Variants in SPAG6 observed in about 807,000 individuals in gnomAD.
SPAG6 encodes the protein sperm-associated antigen 6.
In SPAG6, 49 loss-of-function variants were observed where a neutral mutation model predicts 58.5. That is an observed-to-expected ratio of 0.84 (90% CI 0.67 to 1.06). The LOEUF (loss-of-function observed/expected upper bound fraction) is 1.06, where lower values mean the gene tolerates loss of function less well. Ranked by LOEUF, SPAG6 falls within the 50% of genes least tolerant of loss-of-function variation. SPAG6 has a pLI of 0.00. For missense variants in SPAG6, 560 were observed against 611.3 expected (o/e 0.92, Z 0.89); for synonymous variants, 233 against 225.6 (o/e 1.03, Z -0.29).
intron 4 of SPAG6, among the ~76,000 whole-genome samples, chr10:22,371,965 A>C (rs1216579679): frequency 2.0e-5 from 3 of 152,074 alleles, no homozygotes; most frequent in Non-Finnish European, 2.9e-5. Context: ...TGATTGAATC[A>C]CCAGTTATTG....
chr10:22,400,979 T>G (rs181263679), intron 8 of SPAG6, among the ~76,000 whole-genome samples, 182 bp from the exon 9 acceptor site: 1 of 152,282 alleles, frequency 6.6e-6, no homozygotes, highest in East Asian at 1.9e-4. Flanking sequence ...TTGTAGGATA[T>G]TCTATGATAA....
intron 3 of SPAG6, among the ~76,000 whole-genome samples, chr10:22,368,184 A>G (rs1370258543): frequency 1.3e-5 from 2 of 152,176 alleles, no homozygotes; most frequent in Non-Finnish European, 2.9e-5. Flanking sequence ...GATACATAAA[A>G]TCTCGTTATT....
chr10:22,412,007 C>T (rs2130647599), intron 10 of SPAG6, among the ~76,000 whole-genome samples: 1 of 152,086 alleles, frequency 6.6e-6, no homozygotes, highest in South Asian at 2.1e-4. Context: ...CGCCATCACG[C>T]CCAGCTAATT....
chr10:22,359,266 T>C (rs571294867), intron 2 of SPAG6: 1 of 170,314 alleles, frequency 5.9e-6, no homozygotes, highest in African/African-American at 2.4e-5. Flanking sequence ...TGAACTATAG[T>C]AGTAGTGTCA....
chr10:22,348,599 G>C (rs982899261), intron 2 of SPAG6, among the ~76,000 whole-genome samples: 1 of 152,142 alleles, frequency 6.6e-6, no homozygotes, highest in East Asian at 1.9e-4. Context: ...GATCAAACCA[G>C]TAATTCCCTT....
At chr10:22,384,155 G>A (rs111747689) in intron 4 of SPAG6, among the ~76,000 whole-genome samples, 163 of 152,312 alleles carry the variant, frequency 1.1e-3, no homozygotes, top group African/African-American at 3.7e-3. Flanking sequence ...TCAGCATATT[G>A]GTGATTTCTT....
intron 4 of SPAG6, among the ~76,000 whole-genome samples, chr10:22,372,236 A>C (rs759348938): frequency 1.3e-5 from 2 of 152,196 alleles, no homozygotes; most frequent in Non-Finnish European, 2.9e-5. Flanking sequence ...CCGCTTTATA[A>C]ATTAAACTTT....
intron 4 of SPAG6, among the ~76,000 whole-genome samples, chr10:22,379,445 T>C (rs1165662373): frequency 1.3e-5 from 2 of 152,230 alleles, no homozygotes; most frequent in African/African-American, 4.8e-5. Flanking sequence ...TTGAGTCTTC[T>C]CTTTTGAATC....
chr10:22,352,491 G>A (rs1836756799), intron 2 of SPAG6, among the ~76,000 whole-genome samples: 1 of 152,102 alleles, frequency 6.6e-6, no homozygotes, highest in African/African-American at 2.4e-5. Context: ...TTAATATGAA[G>A]ATAAACTTGC....
chr10:22,368,247 G>C (rs1202050823), intron 3 of SPAG6, among the ~76,000 whole-genome samples: 3 of 152,132 alleles, frequency 2.0e-5, no homozygotes, highest in Non-Finnish European at 2.9e-5. Flanking sequence ...CCAAATGCAG[G>C]CTTCAGGGTA....
chr10:22,385,214 TG>T (rs1319811443), intron 4 of SPAG6, among the ~76,000 whole-genome samples: 4 of 151,938 alleles, frequency 2.6e-5, no homozygotes, highest in Non-Finnish European at 4.4e-5. Context: ...TGGATGGGTG[TG>T]GGGGTGTGGT....
At position 22,391,886 on chromosome 10, in the gene SPAG6, T is replaced by C. The variant is rs372432309; in HGVS notation, c.1163T>C (p.Met388Thr). The change falls in exon 8 of 11, where the codon ATG becomes ACG. Residue 388 changes from methionine (M) to threonine (T), a missense_variant. By Grantham distance (81) the Met-to-Thr change is moderately conservative. Coordinates refer to ENST00000376624, the MANE Select transcript of SPAG6 (RefSeq NM_012443.4). ...TTGCCAGTTCTGCTTTCTTTGTACA[T>C]GTCAACAGAAAGTTCTGAGGATCTC... ...NTLPVLLSLY[M>T]STESSEDLQV... 122 of 1,613,164 alleles carry C rather than the reference T, an allele frequency of 7.6e-5. No individual in the cohort carries two copies. Among genetic ancestry groups the C allele is most frequent in the South Asian group, 2.1e-4 (19 of 91,002 alleles).
intron 4 of SPAG6, among the ~76,000 whole-genome samples, chr10:22,385,185 A>T (rs1327734699): frequency 6.6e-6 from 1 of 151,974 alleles, no homozygotes; most frequent in African/African-American, 2.4e-5. Context: ...AACATTTTAT[A>T]TTTTTTTCCC....
At chr10:22,416,404 G>C (rs1026716768) in intron 10 of SPAG6, among the ~76,000 whole-genome samples, 2 of 152,128 alleles carry the variant, frequency 1.3e-5, no homozygotes, top group African/African-American at 4.8e-5. Context: ...TCCCTTAAAT[G>C]TTTTGCTACT....
intron 10 of SPAG6, chr10:22,412,412 A>G: frequency 8.3e-7 from 1 of 1,206,226 alleles, no homozygotes; most frequent in Non-Finnish European, 1.2e-6. Context: ...TTTAAGATTA[A>G]AATTTGTTTT....
Position 22,345,876 on chromosome 10 carries a change from GC to G in SPAG6, c.121+62del. The stretch of plus-strand genomic sequence containing the variant: ...CGCGCACTGAGTCCCCGACGCCTCC[GC>G]CCCGCTGCCCTGCCCGTGGAGCTCT... On this transcript the variant is annotated intron_variant, in intron 2 of 10. Coordinates refer to ENST00000376624, the MANE Select transcript of SPAG6 (RefSeq NM_012443.4). The surrounding 1 kb of genome is among the most constrained non-coding windows in gnomAD (Gnocchi z 6.3). The G allele has an allele frequency of 6.3e-7, 1 of 1,580,798 alleles. No individual in the cohort carries two copies. Among genetic ancestry groups the G allele is most frequent in the Non-Finnish European group, 8.6e-7 (1 of 1,164,020 alleles).
chr10:22,398,180 G>A (rs1241920859), intron 8 of SPAG6, among the ~76,000 whole-genome samples: 2 of 152,180 alleles, frequency 1.3e-5, no homozygotes, highest in Non-Finnish European at 2.9e-5. Flanking sequence ...AAGGTGATGG[G>A]ACAATTGTAT....
At position 22,409,330 on chromosome 10, in the gene SPAG6, A is replaced by G. The variant is rs142996571; in HGVS notation, c.1315-1701A>G. Among the ~76,000 whole-genome samples, 41 of 152,350 alleles carry G rather than the reference A, an allele frequency of 2.7e-4. No individual in the cohort carries two copies. The Middle Eastern group carries it at 0.01, about 38-fold the overall frequency. ...TTATAGAATATTACATTTTTTACAA[A>G]TATATACTAGTGCAATCTTCTGTTG... On this transcript the variant is annotated intron_variant, in intron 9 of 10. Transcript: ENST00000376624.
rs1834768178 is a variant in SPAG6, at chr10:22,412,610, C to T, written c.1460+1434C>T. ...AATTAGTCTACATATAACACTCTGTCTCCAGGCTGGAGTGCAGTAGCGCGA... is the reference window on the plus strand; with the variant it reads ...AATTAGTCTACATATAACACTCTGTTTCCAGGCTGGAGTGCAGTAGCGCGA... On this transcript the variant is annotated intron_variant, in intron 10 of 10. Transcript: ENST00000376624. 23 of 678,940 alleles carry T rather than the reference C, an allele frequency of 3.4e-5. No individual in the cohort carries two copies. In the South Asian group the frequency reaches 4.8e-4, roughly 14 times the overall value. 42.1% of individuals were successfully genotyped at this position (678,940 alleles called of 1,614,324 possible).
Sources: allele counts gnomAD v4.1 joint callset (sites outside exome capture counted in the v4.1 genomes callset), GRCh38; gene constraint gnomAD v4.1.1; non-coding constraint Gnocchi (gnomAD v3.1); transcripts MANE v1.5; gene names NCBI Gene and HGNC (gene_info 2026-07-23, HGNC 2026-07-21).